Variants in TNR observed in about 807,000 individuals in gnomAD.
TNR encodes tenascin-R.
TNR carries 45 observed loss-of-function variants against 150.4 expected under a neutral mutation model. That is an observed-to-expected ratio of 0.30 (90% CI 0.24 to 0.38). TNR has a LOEUF of 0.38. Among genes scored for constraint, TNR ranks in the 10% least tolerant of loss-of-function variants. The pLI is 1.00. For missense variants in TNR, 1,544 were observed against 1,759.1 expected (o/e 0.88, Z 2.19); for synonymous variants, 687 against 678.4 (o/e 1.01, Z -0.20).
At chr1:175,418,722 GA>G (rs71565437) in intron 2 of TNR, among the ~76,000 whole-genome samples, 2,212 of 129,872 alleles carry the variant, frequency 0.017, 42 homozygotes, top group South Asian at 0.063. Context: ...GAGAGAGAGA[GA>G]AAAAAAAAAA....
chr1:175,328,965 G>A (rs1649566445), intron 21 of TNR, among the ~76,000 whole-genome samples: 1 of 152,204 alleles, frequency 6.6e-6, no homozygotes, highest in African/African-American at 2.4e-5. Flanking sequence ...TGTTTAATAT[G>A]CTCCATTTCA....
intron 2 of TNR, among the ~76,000 whole-genome samples, chr1:175,442,143 A>G (rs1050081148): frequency 2.0e-5 from 3 of 152,170 alleles, no homozygotes; most frequent in African/African-American, 7.2e-5. Flanking sequence ...TAGATAGTGC[A>G]GTCAATTTTA....
chr1:175,410,782 C>A (rs1455328279), intron 2 of TNR, among the ~76,000 whole-genome samples: 6 of 152,176 alleles, frequency 3.9e-5, no homozygotes. Flanking sequence ...GCTCTGCCAG[C>A]CTGGGCCTCT....
intron 1 of TNR, among the ~76,000 whole-genome samples, chr1:175,593,627 G>A (rs1245733101): frequency 1.3e-5 from 2 of 152,114 alleles, no homozygotes; most frequent in Non-Finnish European, 2.9e-5. Flanking sequence ...TCCTTCACTG[G>A]TTGAACCAAA....
intron 2 of TNR, among the ~76,000 whole-genome samples, chr1:175,432,688 T>C (rs556569866): frequency 7.7e-4 from 118 of 152,286 alleles, no homozygotes; most frequent in African/African-American, 2.7e-3. Context: ...TATTGCTTTA[T>C]GTTCTATGGT....
intron 1 of TNR, among the ~76,000 whole-genome samples, chr1:175,589,910 T>C (rs1218000128): frequency 1.3e-5 from 2 of 152,182 alleles, no homozygotes; most frequent in African/African-American, 2.4e-5. Flanking sequence ...GACGGATTAA[T>C]GGGTGCAGCA....
At chr1:175,493,284 A>G (rs946696217) in intron 2 of TNR, among the ~76,000 whole-genome samples, 2 of 152,228 alleles carry the variant, frequency 1.3e-5, no homozygotes, top group African/African-American at 4.8e-5. Flanking sequence ...GAAAAGGAGA[A>G]AGGTGAAAGG....
At chr1:175,605,432 T>A (rs887021853) in intron 1 of TNR, among the ~76,000 whole-genome samples, 21 of 152,228 alleles carry the variant, frequency 1.4e-4, no homozygotes, top group African/African-American at 5.1e-4. Context: ...AACACATATA[T>A]AATGAGCACC....
rs1649823861 is a variant in TNR at position 175,331,078 on chromosome 1, C to CCTTCTCTTTCTTTCTTTCTTTCTTTCT, written c.3632-844_3632-843insAGAAAGAAAGAAAGAAAGAAAGAGAAG. On this transcript the variant is annotated intron_variant, in intron 20 of 22. Transcript: ENST00000367674. ...CTTTCTTTCTTTCTTTCTTTCTTTC[C>CCTTCTCTTTCTTTCTTTCTTTCTTTCT]TTCTTTCTTTCTTTCTTTCTTTCTC... Among the ~76,000 whole-genome samples, 162 of 59,932 alleles carry CCTTCTCTTTCTTTCTTTCTTTCTTTCT rather than the reference C, an allele frequency of 2.7e-3. 11 individuals carry two copies. The highest frequency in any genetic ancestry group is 4.7e-3 in the East Asian group (8 of 1,718). The allele number at this position is 59,932 out of a possible 152,430, so 39.3% of individuals were successfully genotyped here.
At chr1:175,380,576 GA>G (rs796892998) in intron 8 of TNR, among the ~76,000 whole-genome samples, 3,156 of 128,564 alleles carry the variant, frequency 0.025, 43 homozygotes, top group Middle Eastern at 0.043. Flanking sequence ...GTCTCCAAAG[GA>G]AAAAAAAAAA....
At chr1:175,663,913 T>G (rs1665455655) in intron 1 of TNR, among the ~76,000 whole-genome samples, 2 of 152,190 alleles carry the variant, frequency 1.3e-5, no homozygotes, top group South Asian at 2.1e-4. Flanking sequence ...AGATATTGAC[T>G]GGGGAGAGGG....
rs79692122 is a variant in TNR, at chr1:175,457,155, G to A, written c.-63-50378C>T. On this transcript the variant is annotated intron_variant, in intron 2 of 22. Transcript: ENST00000367674. ...CTATTAACTTTTCCCCTGTCTGTGCGATCAGAGTTAAATTAATTTTTAACA... is the reference window on the plus strand; with the variant it reads ...CTATTAACTTTTCCCCTGTCTGTGCAATCAGAGTTAAATTAATTTTTAACA... Among the ~76,000 whole-genome samples, 1,040 of 152,256 alleles carry A rather than the reference G, an allele frequency of 6.8e-3. 10 individuals carry two copies. The highest frequency in any genetic ancestry group is 0.023 in the African/African-American group (972 of 41,538).
intron 2 of TNR, among the ~76,000 whole-genome samples, chr1:175,490,262 T>C (rs1326913572): frequency 1.3e-5 from 2 of 152,066 alleles, no homozygotes; most frequent in Non-Finnish European, 2.9e-5. Flanking sequence ...CCCAAAACTA[T>C]AAAAACCTTA....
intron 1 of TNR, among the ~76,000 whole-genome samples, chr1:175,683,682 G>A (rs1357198847): frequency 1.3e-5 from 2 of 152,220 alleles, no homozygotes; most frequent in South Asian, 2.1e-4. Context: ...ACCTGCAGTG[G>A]GAGGGGGAGG....
At chr1:175,396,265 T>C (rs907377444) in intron 5 of TNR, among the ~76,000 whole-genome samples, 2 of 152,250 alleles carry the variant, frequency 1.3e-5, no homozygotes, top group African/African-American at 2.4e-5. Context: ...AGTCAGAGTC[T>C]AGCTTATAAC....
At chr1:175,740,327 T>A (rs1406438675) in intron 1 of TNR, among the ~76,000 whole-genome samples, 1 of 152,130 alleles carries the variant, frequency 6.6e-6, no homozygotes, top group Non-Finnish European at 1.5e-5. Flanking sequence ...CACAGGGAAC[T>A]TTTATACATC....
intron 1 of TNR, among the ~76,000 whole-genome samples, chr1:175,656,872 T>C (rs930927380): frequency 6.6e-6 from 1 of 152,170 alleles, no homozygotes; most frequent in Non-Finnish European, 1.5e-5. Context: ...AATGCAAATG[T>C]GGTTATGCAT....
chr1:175,380,213 G>C (rs1402617925), intron 8 of TNR, among the ~76,000 whole-genome samples: 1 of 152,174 alleles, frequency 6.6e-6, no homozygotes, highest in Non-Finnish European at 1.5e-5. Context: ...CAGCTGTAAA[G>C]GTAAGACATA....
intron 2 of TNR, among the ~76,000 whole-genome samples, chr1:175,488,329 G>T (rs1658101237): frequency 6.6e-6 from 1 of 152,110 alleles, no homozygotes; most frequent in Non-Finnish European, 1.5e-5. Context: ...TGTTTTTTAT[G>T]GGCAAAGTTA....
Sources: gnomAD v4.1 joint callset for allele counts (sites outside exome capture counted in the v4.1 genomes callset) on GRCh38, gnomAD v4.1.1 for gene constraint, MANE v1.5 for transcripts, NCBI Gene and HGNC (gene_info 2026-07-23, HGNC 2026-07-21) for gene names.